The following GMDS variants were observed in gnomAD, a reference collection of about 807,000 sequenced individuals.
GMDS encodes GDP-mannose 4,6 dehydratase.
In GMDS, 20 loss-of-function variants were observed where a neutral mutation model predicts 49.9. The ratio of observed to expected loss-of-function variants is 0.40; its 90% CI spans 0.28 to 0.58. The LOEUF (loss-of-function observed/expected upper bound fraction) is 0.58. Ranked by LOEUF, GMDS falls within the 20% of genes least tolerant of loss-of-function variation. The pLI, the probability that GMDS is intolerant of heterozygous loss-of-function variation, is 0.42. For missense variants in GMDS, 362 were observed against 481.4 expected, an observed-to-expected ratio of 0.75 and a Z score of 2.32; for synonymous variants, 177 against 178.6, an observed-to-expected ratio of 0.99 and a Z score of 0.07.
intron 9 of GMDS, among the ~76,000 whole-genome samples, chr6:1,633,647 G>A (rs1024242499): frequency 2.6e-5 from 4 of 152,184 alleles, no homozygotes; most frequent in African/African-American, 9.7e-5. Context: ...GAAAGATCTG[G>A]GGTGTGAGGG....
chr6:2,134,415 G>A (rs1166162410), intron 1 of GMDS, among the ~76,000 whole-genome samples: 1 of 152,194 alleles, frequency 6.6e-6, no homozygotes, highest in African/African-American at 2.4e-5. Context: ...TGTAAGGGTA[G>A]TGGAGTTCTC....
At chr6:2,000,020 T>TA (rs1371239134) in intron 4 of GMDS, among the ~76,000 whole-genome samples, 30 of 33,698 alleles carry the variant, frequency 8.9e-4, no homozygotes, top group Non-Finnish European at 1.1e-3. Flanking sequence ...TTTTTATATA[T>TA]ATATATATCT....
chr6:2,221,598 T>C (rs545764180), intron 1 of GMDS, among the ~76,000 whole-genome samples: 11 of 152,226 alleles, frequency 7.2e-5, no homozygotes, highest in South Asian at 4.2e-4. Flanking sequence ...CCGTGTTAGC[T>C]AGGATGGTCT....
intron 4 of GMDS, among the ~76,000 whole-genome samples, chr6:2,074,704 A>G (rs755259103): frequency 6.6e-5 from 10 of 152,188 alleles, no homozygotes; most frequent in Non-Finnish European, 1.2e-4. Context: ...GGGTCTCACT[A>G]TGTTGCCAAG....
chr6:2,037,873 G>A (rs1769396419), intron 4 of GMDS, among the ~76,000 whole-genome samples: 1 of 152,122 alleles, frequency 6.6e-6, no homozygotes, highest in Admixed American at 6.6e-5. Flanking sequence ...CAAGAGAGCA[G>A]GGGAAAGAGA....
At chr6:1,727,918 TATTA>T (rs1013898638) in intron 8 of GMDS, among the ~76,000 whole-genome samples, 4 of 152,254 alleles carry the variant, frequency 2.6e-5, no homozygotes, top group African/African-American at 9.6e-5. Flanking sequence ...ATGACTTTTA[TATTA>T]ATTAATTAAC....
At chr6:2,230,015 A>ACC (rs1185698594) in intron 1 of GMDS, among the ~76,000 whole-genome samples, 3 of 143,860 alleles carry the variant, frequency 2.1e-5, no homozygotes, top group African/African-American at 8.2e-5. Context: ...TCCTCTGAAG[A>ACC]CCTCCCTCCA....
intron 4 of GMDS, among the ~76,000 whole-genome samples, chr6:1,981,626 A>G (rs1010079100): frequency 2.0e-5 from 3 of 152,138 alleles, no homozygotes; most frequent in African/African-American, 4.8e-5. Context: ...TACTGAAACT[A>G]TTCCAAAAAA....
intron 4 of GMDS, among the ~76,000 whole-genome samples, chr6:2,082,999 A>T (rs1400769044): frequency 6.6e-6 from 1 of 152,204 alleles, no homozygotes; most frequent in East Asian, 1.9e-4. Flanking sequence ...CCATTTCTAC[A>T]ATTCTTAAAA....
intron 9 of GMDS, among the ~76,000 whole-genome samples, chr6:1,647,087 C>T (rs1354334451): frequency 6.6e-6 from 1 of 152,194 alleles, no homozygotes; most frequent in Non-Finnish European, 1.5e-5. Context: ...CTGCTCAGGG[C>T]AGCTGGGCAG....
chr6:2,053,787 T>C (rs1770620918), intron 4 of GMDS, among the ~76,000 whole-genome samples: 1 of 152,020 alleles, frequency 6.6e-6, no homozygotes, highest in South Asian at 2.1e-4. Flanking sequence ...TAAACTATAA[T>C]CAAGAAAATA....
At chr6:2,088,595 A>G (rs1452987585) in intron 4 of GMDS, among the ~76,000 whole-genome samples, 1 of 152,186 alleles carries the variant, frequency 6.6e-6, no homozygotes, top group African/African-American at 2.4e-5. Flanking sequence ...TTCTATGCAT[A>G]CTTTACTTAA....
At chr6:1,855,482 G>C (rs866844843) in intron 7 of GMDS, among the ~76,000 whole-genome samples, 1 of 152,214 alleles carries the variant, frequency 6.6e-6, no homozygotes, top group East Asian at 1.9e-4. Context: ...TTCTAGAACA[G>C]AGATCACTGC....
chr6:2,118,176 T>C (rs1243842796), intron 2 of GMDS, among the ~76,000 whole-genome samples: 6 of 149,668 alleles, frequency 4.0e-5, no homozygotes, highest in Admixed American at 4.0e-4. Flanking sequence ...TGTTTTATCT[T>C]GACTTAACCA....
At chr6:1,849,710 G>A (rs1482575331) in intron 7 of GMDS, among the ~76,000 whole-genome samples, 1 of 152,100 alleles carries the variant, frequency 6.6e-6, no homozygotes, top group Non-Finnish European at 1.5e-5. Flanking sequence ...TTTATTATAA[G>A]CTCTTTATTC....
At chr6:1,829,574 G>A (rs1771263094) in intron 7 of GMDS, among the ~76,000 whole-genome samples, 2 of 152,106 alleles carry the variant, frequency 1.3e-5, no homozygotes, top group Non-Finnish European at 2.9e-5. Flanking sequence ...AAGTAGCTGG[G>A]AACACAGGCA....
At position 1,739,083 on chromosome 6, in the gene GMDS, G is replaced by A. The variant is rs577372411; in HGVS notation, c.890+3385C>T. 1.6e-4 allele frequency among the ~76,000 whole-genome samples: 25 copies of A among 152,340 alleles called. 1 individual carries two copies. Among genetic ancestry groups the A allele is most frequent in the South Asian group, 6.2e-4 (3 of 4,832 alleles). On this transcript the variant is annotated intron_variant, in intron 8 of 10. Transcript: ENST00000380815. The stretch of plus-strand genomic sequence containing the variant: ...ACTGAGGATAACCTGGGAAGGAGAC[G>A]ATGCCCACAGGCATGAAGACCTGGG...
intron 4 of GMDS, among the ~76,000 whole-genome samples, chr6:2,086,445 C>A (rs7741331): frequency 0.025 from 3,778 of 152,262 alleles, 150 homozygotes; most frequent in African/African-American, 0.085. Flanking sequence ...TGTTAAAATC[C>A]AGACCTTTCA....
intron 9 of GMDS, among the ~76,000 whole-genome samples, chr6:1,702,234 C>T (rs1468365239): frequency 6.6e-6 from 1 of 152,220 alleles, no homozygotes; most frequent in Non-Finnish European, 1.5e-5. Flanking sequence ...GCTAGAGAGC[C>T]TTGGAGAGAA....
Sources: gnomAD v4.1 joint callset for allele counts (sites outside exome capture counted in the v4.1 genomes callset) on GRCh38, gnomAD v4.1.1 for gene constraint, MANE v1.5 for transcripts, NCBI Gene and HGNC (gene_info 2026-07-23, HGNC 2026-07-21) for gene names.